SCARA5: variants seen among roughly 807,000 people sequenced by gnomAD.
SCARA5 encodes the protein scavenger receptor class A member 5.
In SCARA5, 45 loss-of-function variants were observed where a neutral mutation model predicts 46.3. That is an observed-to-expected ratio of 0.97 (90% CI 0.76 to 1.24). The LOEUF is 1.24. Ranked by LOEUF, SCARA5 falls within the 50% of genes most tolerant of loss-of-function variation. The probability of loss-of-function intolerance (pLI) is 0.00; values close to 1 mark genes in which losing one functional copy is unlikely to be tolerated. For synonymous variants in SCARA5, 333 were observed against 306.5 expected (o/e 1.09, Z -0.90); for missense variants, 680 against 689.0 (o/e 0.99, Z 0.15).
At chr8:27,959,805 C>T (rs1237896730) in intron 3 of SCARA5, among the ~76,000 whole-genome samples, 1 of 152,188 alleles carries the variant, frequency 6.6e-6, no homozygotes, top group Non-Finnish European at 1.5e-5. Context: ...TCTGGGAAGT[C>T]GGGAGGGAGG....
At chr8:27,990,584 G>A (rs554198088) in intron 1 of SCARA5, among the ~76,000 whole-genome samples, 3 of 152,310 alleles carry the variant, frequency 2.0e-5, no homozygotes, top group South Asian at 2.1e-4. Context: ...GAGGCCCCGG[G>A]CACAGTTTTC....
intron 3 of SCARA5, among the ~76,000 whole-genome samples, chr8:27,938,883 T>C (rs1052122023): frequency 6.6e-6 from 1 of 152,220 alleles, no homozygotes; most frequent in East Asian, 1.9e-4. Flanking sequence ...TATATATATA[T>C]ATTTCTTAAA....
intron 1 of SCARA5, among the ~76,000 whole-genome samples, chr8:27,989,392 T>G (rs1434735947): frequency 1.3e-5 from 2 of 152,124 alleles, no homozygotes; most frequent in South Asian, 2.1e-4. Context: ...CCTCCCAAAG[T>G]GCTGAGATTA....
At chr8:27,986,946 G>A (rs1179173993) in intron 2 of SCARA5, among the ~76,000 whole-genome samples, 1 of 152,224 alleles carries the variant, frequency 6.6e-6, no homozygotes, top group African/African-American at 2.4e-5. Context: ...CTCCTCCAAA[G>A]GAAGCTGCAT....
In SCARA5 at chr8:27,872,075, G is replaced by A; in HGVS notation, c.1352-5C>T. On this transcript the variant is annotated splice_region_variant and splice_polypyrimidine_tract_variant and intron_variant, in intron 8 of 8. Coordinates refer to ENST00000354914, the MANE Select transcript of SCARA5 (RefSeq NM_173833.6). ...CCATCCAGATCCTCCCAGTGCCTGT[G>A]GAGACAGGGAAACACAGCTATAAGC... is the stretch of plus-strand genomic sequence containing the variant. 1 of 1,614,178 alleles carries A rather than the reference G, an allele frequency of 6.2e-7. No individual in the cohort carries two copies. Among genetic ancestry groups the A allele is most frequent in the Non-Finnish European group, 8.5e-7 (1 of 1,179,992 alleles).
chr8:27,910,087 G>A (rs1807348644), intron 4 of SCARA5: 1 of 207,038 alleles, frequency 4.8e-6, no homozygotes, highest in East Asian at 1.3e-4. Flanking sequence ...TCTTTGGGAG[G>A]TGATGAGGTT....
At chr8:27,948,401 C>T (rs1268380328) in intron 3 of SCARA5, among the ~76,000 whole-genome samples, 2 of 152,248 alleles carry the variant, frequency 1.3e-5, no homozygotes, top group Non-Finnish European at 2.9e-5. Flanking sequence ...ACTGAAGTCT[C>T]AGGACCTGGC....
intron 3 of SCARA5, among the ~76,000 whole-genome samples, chr8:27,948,912 G>T (rs1002508276): frequency 1.3e-5 from 2 of 152,222 alleles, no homozygotes; most frequent in Non-Finnish European, 2.9e-5. Context: ...TGTGTATATC[G>T]ATGTGCATAG....
At chr8:27,922,362 A>AG in intron 3 of SCARA5, 117 bp from the exon 4 acceptor site, 2 of 626,620 alleles carry the variant, frequency 3.2e-6, no homozygotes, top group Non-Finnish European at 5.0e-6. Flanking sequence ...TGATAGACGA[A>AG]TAAAATCACA....
chr8:27,924,196 G>A lies in SCARA5; in HGVS notation c.242-1951C>T, dbSNP rs568248516. Among the ~76,000 whole-genome samples, 9 of 152,284 alleles carry A rather than the reference G, an allele frequency of 5.9e-5. No homozygotes were observed. The East Asian group carries it at 1.7e-3, about 29-fold the overall frequency. ...GAAAGGGAAATAAGGCCTGGTGGTG[G>A]GATAGGTAGGAGGTGGGGGCAGATG... On this transcript the variant is annotated intron_variant, in intron 3 of 8. Coordinates refer to ENST00000354914, the MANE Select transcript of SCARA5 (RefSeq NM_173833.6).
chr8:27,921,870 A>G lies in SCARA5; in HGVS notation c.617T>C (p.Leu206Pro). The G allele has an allele frequency of 6.6e-7, 1 of 1,506,540 alleles. No homozygotes were observed. Among genetic ancestry groups the G allele is most frequent in the Non-Finnish European group, 8.8e-7 (1 of 1,135,946 alleles). The allele number at this position is 1,506,540 out of a possible 1,614,324, so 93.3% of individuals were successfully genotyped here. ...GCCCACCCTGCGCGCCAGCCCGTCC[A>G]GCAGGCCCGCGTGGCGCCTCAGCAG... The part of the protein sequence containing the change: ...QLLLRRHAGL[L>P]DGLARRVGIL... Residue 206 changes from leucine (L) to proline (P), a missense_variant, in exon 4 of 9, where the codon CTG becomes CCG. This residue lies in a region of SCARA5 where 438 missense variants were observed against 384.5 expected (regional missense o/e 1.14). Transcript: ENST00000354914.
Position 27,921,693 on chromosome 8 carries a change from G to T in SCARA5, c.794C>A (p.Ala265Glu). Residue 265 changes from alanine (A) to glutamate (E), a missense_variant, in exon 4 of 9, where the codon GCG becomes GAG. By Grantham distance (107) the Ala-to-Glu change is moderately radical (BLOSUM62 -1). Coordinates refer to ENST00000354914, the MANE Select transcript of SCARA5 (RefSeq NM_173833.6). ...CAGCTGCAGCTCCATGCCTACGTGCGCCAGGCGCAGGCGGCGCGTGTCCTC... is the reference window on the plus strand; with the variant it reads ...CAGCTGCAGCTCCATGCCTACGTGCTCCAGGCGCAGGCGGCGCGTGTCCTC... ...ASEDTRRLRLAHVGMELQLKQ... is the reference protein window; with the variant it reads ...ASEDTRRLRLEHVGMELQLKQ... The T allele has an allele frequency of 6.2e-7, 1 of 1,606,106 alleles. No homozygotes were observed. The highest frequency in any genetic ancestry group is 8.5e-7 in the Non-Finnish European group (1 of 1,176,886).
At chr8:27,887,024 G>A (rs1806907189) in intron 7 of SCARA5, among the ~76,000 whole-genome samples, 1 of 152,176 alleles carries the variant, frequency 6.6e-6, no homozygotes, top group African/African-American at 2.4e-5. Flanking sequence ...ATGGGAGACA[G>A]GGATTCTTGA....
chr8:27,876,730 G>A (rs1012369621), intron 8 of SCARA5, among the ~76,000 whole-genome samples: 1 of 152,130 alleles, frequency 6.6e-6, no homozygotes, highest in Non-Finnish European at 1.5e-5. Context: ...AGGTGTGGAG[G>A]CAGCCTCCAG....
chr8:27,888,960 C>G (rs1806939673), intron 7 of SCARA5, among the ~76,000 whole-genome samples: 1 of 152,176 alleles, frequency 6.6e-6, no homozygotes, highest in Non-Finnish European at 1.5e-5. Context: ...TCTGGAGTGT[C>G]AATTCCAGCC....
chr8:27,975,323 A>T (rs1433989787), intron 2 of SCARA5, among the ~76,000 whole-genome samples: 2 of 152,176 alleles, frequency 1.3e-5, no homozygotes, highest in Non-Finnish European at 2.9e-5. Context: ...TCATCTACAC[A>T]TCCTTTGTAA....
At chr8:27,987,834 G>A (rs1056429452) in intron 1 of SCARA5, among the ~76,000 whole-genome samples, 1 of 152,202 alleles carries the variant, frequency 6.6e-6, no homozygotes, top group South Asian at 2.1e-4. Flanking sequence ...CCCACTCCCA[G>A]CTTCCTCAGG....
chr8:27,966,818 A>G (rs1170312837), intron 2 of SCARA5, among the ~76,000 whole-genome samples: 1 of 152,224 alleles, frequency 6.6e-6, no homozygotes, highest in Non-Finnish European at 1.5e-5. Context: ...TTCTTGAGCT[A>G]GTCCAAGCAG....
At chr8:27,933,531 A>AAAAG (rs1314899393) in intron 3 of SCARA5, among the ~76,000 whole-genome samples, 1 of 146,718 alleles carries the variant, frequency 6.8e-6, no homozygotes, top group Non-Finnish European at 1.5e-5. Context: ...TAAAAAAAAA[A>AAAAG]AAAAAAGAGA....
Sources: allele counts gnomAD v4.1 joint callset (sites outside exome capture counted in the v4.1 genomes callset), GRCh38; gene constraint gnomAD v4.1.1; regional missense constraint gnomAD v4.1.1; transcripts MANE v1.5; gene names NCBI Gene and HGNC (gene_info 2026-07-23, HGNC 2026-07-21).